Variants in FAM174A observed in about 807,000 individuals in gnomAD.
The protein encoded by FAM174A is family with sequence similarity 174 member A, also known as membrane protein FAM174A.
In FAM174A, 14 loss-of-function variants were observed where a neutral mutation model predicts 14.3. The observed-to-expected ratio is 0.98, with a 90% CI of 0.65 to 1.53. FAM174A has a LOEUF of 1.53. FAM174A is among the 40% of genes most tolerant of loss of function. The pLI, the probability that FAM174A is intolerant of heterozygous loss-of-function variation, is 0.00. For synonymous variants in FAM174A, 108 were observed against 111.4 expected (o/e 0.97, Z 0.19); for missense variants, 241 against 249.6 (o/e 0.97, Z 0.23).
chr5:100,540,751 T>A (rs1265655620), intron 1 of FAM174A, among the ~76,000 whole-genome samples: 1 of 152,124 alleles, frequency 6.6e-6, no homozygotes, highest in African/African-American at 2.4e-5. Flanking sequence ...ATAAGTGAAG[T>A]GATAATAGAA....
intron 2 of FAM174A, among the ~76,000 whole-genome samples, chr5:100,579,476 G>T (rs1207104047): frequency 6.6e-6 from 1 of 151,966 alleles, no homozygotes; most frequent in African/African-American, 2.4e-5. Context: ...CCAGGCTGGA[G>T]TGCGATGGCA....
At chr5:100,578,265 C>A (rs1253863877) in intron 2 of FAM174A, among the ~76,000 whole-genome samples, 2 of 152,090 alleles carry the variant, frequency 1.3e-5, no homozygotes, top group African/African-American at 4.8e-5. Context: ...GACTGAAGTG[C>A]TTCTTGAGCT....
chr5:100,557,873 C>T (rs1050894863), intron 1 of FAM174A, among the ~76,000 whole-genome samples: 5 of 151,954 alleles, frequency 3.3e-5, no homozygotes, highest in African/African-American at 4.8e-5. Context: ...TTTTGTTGAT[C>T]TTTTCAAAAA....
rs750071967 is a variant in FAM174A at position 100,535,977 on chromosome 5, C to T, written c.434+13C>T. 1 of 1,550,724 alleles carries T rather than the reference C, an allele frequency of 6.4e-7. No homozygotes were observed. ...TCAGGACGGTCAGGTGAGGCAAAGCCTCGGTGGGGCACCCCCGTGGGCCTG... is the reference window on the plus strand; with the variant it reads ...TCAGGACGGTCAGGTGAGGCAAAGCTTCGGTGGGGCACCCCCGTGGGCCTG... On this transcript the variant is annotated intron_variant, in intron 1 of 2. Transcript: ENST00000312637.
intron 2 of FAM174A, among the ~76,000 whole-genome samples, chr5:100,565,893 G>A (rs1746633043): frequency 6.6e-6 from 1 of 151,386 alleles, no homozygotes; most frequent in Admixed American, 6.6e-5. Flanking sequence ...AGGAGCAAAG[G>A]CACATCTTAC....
At chr5:100,542,641 A>G (rs1464841299) in intron 1 of FAM174A, among the ~76,000 whole-genome samples, 1 of 151,988 alleles carries the variant, frequency 6.6e-6, no homozygotes, top group Non-Finnish European at 1.5e-5. Context: ...GTGTGTGCTT[A>G]TAATCCTTTA....
At chr5:100,535,993 C>A (rs369516601) in intron 1 of FAM174A, 29 bp downstream of exon 1, 16 of 1,530,686 alleles carry the variant, frequency 1.0e-5, no homozygotes, top group Non-Finnish European at 1.4e-5. Context: ...GGGGCACCCC[C>A]GTGGGCCTGA....
At chr5:100,576,299 C>CAGTA (rs1395742633) in intron 2 of FAM174A, among the ~76,000 whole-genome samples, 1 of 152,072 alleles carries the variant, frequency 6.6e-6, no homozygotes, top group African/African-American at 2.4e-5. Flanking sequence ...TCACCAGGCA[C>CAGTA]AGTACCTCAA....
intron 2 of FAM174A, among the ~76,000 whole-genome samples, chr5:100,563,178 C>A (rs1429468411): frequency 1.3e-5 from 2 of 151,726 alleles, no homozygotes; most frequent in African/African-American, 4.8e-5. Flanking sequence ...CAAATATGTT[C>A]ATGAATTATA....
intron 1 of FAM174A, 24 bp from the exon 2 acceptor site, chr5:100,562,030 T>G: frequency 7.4e-7 from 1 of 1,356,804 alleles, no homozygotes. Context: ...TAATTTTTAT[T>G]CATTAATTTG....
At chr5:100,558,637 A>G (rs914390418) in intron 1 of FAM174A, among the ~76,000 whole-genome samples, 1 of 151,952 alleles carries the variant, frequency 6.6e-6, no homozygotes, top group Non-Finnish European at 1.5e-5. Flanking sequence ...TTGGGTGCAT[A>G]TATATTTAGG....
rs1392281102 is a variant in FAM174A at position 100,581,429 on chromosome 5, A to AT, written c.570-4745dup. On this transcript the variant is annotated intron_variant, in intron 2 of 2. Transcript: ENST00000312637. ...AGTAGGTGGCAATTGAGTTAAAGTTATTTTTTTAAAGATATAAGTTAATCA... is the reference window on the plus strand; with the variant it reads ...AGTAGGTGGCAATTGAGTTAAAGTTATTTTTTTTAAAGATATAAGTTAATCA... The AT allele has an allele frequency of 1.2e-5, 12 of 972,004 alleles. No individual in the cohort carries two copies. The South Asian group carries it at 4.3e-4, about 35-fold the overall frequency. The allele number at this position is 972,004 out of a possible 1,614,324, so 60.2% of individuals were successfully genotyped here.
Position 100,566,210 on chromosome 5 carries a change from T to C in FAM174A, c.569+4022T>C, listed in dbSNP as rs73164272. Among the ~76,000 whole-genome samples the C allele has an allele frequency of 3.3e-3, 481 of 144,628 alleles. 2 individuals carry two copies. Among genetic ancestry groups the C allele is most frequent in the Middle Eastern group, 0.018 (5 of 272 alleles). 94.9% of individuals were successfully genotyped at this position (144,628 alleles called of 152,430 possible). A position where few individuals can be genotyped will look rare whatever the true frequency, so the allele number is the denominator to read the frequency against. On this transcript the variant is annotated intron_variant, in intron 2 of 2. Transcript: ENST00000312637. ...ATATAATTACATGTATGATATACTA[T>C]TGAATATTATTCAGCCTTAAAAAAA...
intron 1 of FAM174A, among the ~76,000 whole-genome samples, chr5:100,547,229 TA>T (rs1413221553): frequency 8.6e-5 from 13 of 151,886 alleles, no homozygotes; most frequent in African/African-American, 2.4e-4. Flanking sequence ...TGTCCATTCA[TA>T]AAAAAAAGTA....
At chr5:100,547,648 C>T (rs17447375) in intron 1 of FAM174A, among the ~76,000 whole-genome samples, 16,405 of 151,962 alleles carry the variant, frequency 0.11, 1,166 homozygotes, top group Middle Eastern at 0.18. Context: ...TCAAAGTGGA[C>T]GGATTGCTGA....
chr5:100,577,727 A>G (rs1045861664), intron 2 of FAM174A, among the ~76,000 whole-genome samples: 1 of 152,066 alleles, frequency 6.6e-6, no homozygotes, highest in Non-Finnish European at 1.5e-5. Context: ...AGAAATTTCT[A>G]TTTAGTTTGT....
At chr5:100,542,805 G>A (rs1746085369) in intron 1 of FAM174A, among the ~76,000 whole-genome samples, 1 of 151,990 alleles carries the variant, frequency 6.6e-6, no homozygotes, top group African/African-American at 2.4e-5. Context: ...ACCAGCTTGG[G>A]CAATATAGTG....
In FAM174A at chr5:100,572,043, A is replaced by C. The variant is rs370112997; in HGVS notation, c.569+9855A>C. ...AAAGATGATTCCCTTGCTGACTCAG[A>C]TATTCCTGATTAATTTTTTTAAGAA... On this transcript the variant is annotated intron_variant, in intron 2 of 2. Coordinates refer to ENST00000312637, the MANE Select transcript of FAM174A (RefSeq NM_198507.3). Among the ~76,000 whole-genome samples the C allele has an allele frequency of 1.1e-4, 16 of 152,136 alleles. No individual in the cohort carries two copies. In the East Asian group the frequency reaches 1.2e-3, roughly 11 times the overall value.
intron 2 of FAM174A, among the ~76,000 whole-genome samples, chr5:100,566,143 T>G (rs972608496): frequency 3.0e-5 from 3 of 98,484 alleles, no homozygotes; most frequent in African/African-American, 1.4e-4. Flanking sequence ...AAAAGTATGA[T>G]ATATATATAT....
Sources: allele counts gnomAD v4.1 joint callset (sites outside exome capture counted in the v4.1 genomes callset), GRCh38; gene constraint gnomAD v4.1.1; transcripts MANE v1.5; gene names NCBI Gene and HGNC (gene_info 2026-07-23, HGNC 2026-07-21).